Variants in MS4A4A observed in about 807,000 individuals in gnomAD.
MS4A4A encodes membrane spanning 4-domains A4A.
Under a neutral mutation model 28.0 loss-of-function variants are expected in MS4A4A, and 26 were observed. That is an observed-to-expected ratio of 0.93 (90% CI 0.68 to 1.29). The LOEUF is 1.29. Among genes scored for constraint, MS4A4A ranks in the 50% most tolerant of loss-of-function variants. MS4A4A has a pLI of 0.00. For synonymous variants in MS4A4A, 86 were observed against 100.8 expected, an observed-to-expected ratio of 0.85 and a Z score of 0.88; for missense variants, 290 against 293.1, an observed-to-expected ratio of 0.99 and a Z score of 0.08.
intron 1 of MS4A4A, among the ~76,000 whole-genome samples, chr11:60,288,711 T>C (rs1217743573): frequency 6.6e-6 from 1 of 152,096 alleles, no homozygotes; most frequent in Non-Finnish European, 1.5e-5. Flanking sequence ...TAAGGCTGGA[T>C]GTAGCAGCAG....
Position 60,302,629 on chromosome 11 carries a change from T to C in MS4A4A, c.458T>C (p.Phe153Ser). ...GCATCAGGGATCTTAATCAACACATTTAGCTTGGCGTTTTATTCATTCCAT... is the reference window on the plus strand; with the variant it reads ...GCATCAGGGATCTTAATCAACACATCTAGCTTGGCGTTTTATTCATTCCAT... ...LAASGILINT[F>S]SLAFYSFHHP... Residue 153 changes from phenylalanine to serine, a missense_variant, in exon 5 of 7, where the codon TTT becomes TCT. By Grantham distance (155) the Phe-to-Ser change is radical. Coordinates refer to ENST00000337908, the MANE Select transcript of MS4A4A (RefSeq NM_148975.3). The C allele has an allele frequency of 6.2e-7, 1 of 1,614,092 alleles. No individual in the cohort carries two copies. The highest frequency in any genetic ancestry group is 8.5e-7 in the Non-Finnish European group (1 of 1,179,968).
rs1198504694 is a variant in MS4A4A at position 60,292,279 on chromosome 11, G to T, written c.96G>T (p.Gly32=). The change falls in exon 2 of 7, where the codon GGG becomes GGT. Residue 32 remains glycine, a synonymous_variant. Coordinates refer to ENST00000337908, the MANE Select transcript of MS4A4A (RefSeq NM_148975.3). ...AAGGAATGGAACAGGCCATGCCAGG[G>T]GCTGGCCCTGGTGTGCCCCAGCTGG... is the stretch of plus-strand genomic sequence containing the variant. ...TMQGMEQAMP[G]AGPGVPQLGN... 2 of 1,606,144 alleles carry T rather than the reference G, an allele frequency of 1.2e-6. No homozygotes were observed. Among genetic ancestry groups the T allele is most frequent in the Non-Finnish European group, 1.7e-6 (2 of 1,176,588 alleles).
At chr11:60,297,724 A>G (rs1429620732) in intron 3 of MS4A4A, among the ~76,000 whole-genome samples, 1 of 152,206 alleles carries the variant, frequency 6.6e-6, no homozygotes, top group Non-Finnish European at 1.5e-5. Context: ...GACACATCCA[A>G]CTTTTGGTAA....
In MS4A4A at chr11:60,308,364, A is replaced by G; in HGVS notation, c.*186A>G. On this transcript the variant is annotated 3_prime_UTR_variant, in exon 7 of 7. Transcript: ENST00000337908. ...ATAATAAATTCAAAATTATGTTCTC[A>G]TTTTTTTCCCTGGAACTCAATAACT... The G allele has an allele frequency of 1.9e-6, 1 of 523,938 alleles. No homozygotes were observed. The highest frequency in any genetic ancestry group is 3.3e-6 in the Non-Finnish European group (1 of 305,404). The allele number at this position is 523,938 out of a possible 1,614,324, so 32.5% of individuals were successfully genotyped here. A position where few individuals can be genotyped will look rare whatever the true frequency, so the allele number is the denominator to read the frequency against.
intron 1 of MS4A4A, chr11:60,290,157 A>G (rs2084841735): frequency 7.2e-6 from 3 of 419,124 alleles, no homozygotes; most frequent in South Asian, 5.2e-5. Context: ...CTCCTTTACT[A>G]CTGACTTCGA....
intron 3 of MS4A4A, among the ~76,000 whole-genome samples, chr11:60,299,240 T>C (rs536943959): frequency 2.0e-5 from 3 of 152,174 alleles, no homozygotes; most frequent in South Asian, 4.1e-4. Flanking sequence ...ATATTGTTCA[T>C]ACTTAAATAA....
intron 5 of MS4A4A, among the ~76,000 whole-genome samples, chr11:60,303,757 G>A (rs1341479890): frequency 1.3e-5 from 2 of 152,056 alleles, no homozygotes; most frequent in African/African-American, 4.8e-5. Flanking sequence ...CAAATTTTTT[G>A]TTACTTTCCC....
intron 1 of MS4A4A, among the ~76,000 whole-genome samples, chr11:60,291,600 C>T (rs1412098506): frequency 6.6e-6 from 1 of 151,972 alleles, no homozygotes; most frequent in Non-Finnish European, 1.5e-5. Flanking sequence ...GAGATGGAGA[C>T]CATACTGGCC....
intron 2 of MS4A4A, among the ~76,000 whole-genome samples, chr11:60,296,067 T>G (rs984426745): frequency 2.0e-5 from 3 of 152,062 alleles, no homozygotes; most frequent in African/African-American, 7.2e-5. Context: ...ATTTTTTTCT[T>G]AAGTGTCTGG....
intron 4 of MS4A4A, among the ~76,000 whole-genome samples, chr11:60,301,552 T>C (rs2084952877): frequency 6.6e-6 from 1 of 152,184 alleles, no homozygotes; most frequent in East Asian, 1.9e-4. Flanking sequence ...GCCAATACAA[T>C]GCGAAAGTCC....
At chr11:60,293,641 A>G (rs1428689602) in intron 2 of MS4A4A, among the ~76,000 whole-genome samples, 1 of 152,238 alleles carries the variant, frequency 6.6e-6, no homozygotes, top group Non-Finnish European at 1.5e-5. Flanking sequence ...GTATCCCACC[A>G]ATCCCTGGCA....
rs2085026462 is a variant in MS4A4A at position 60,308,437 on chromosome 11, T to C, written c.*259T>C. ...GAGTACTAGAAGTTAAATTAATAAA[T>C]AATGCATTTAATGAGGCAACAGCAC... On this transcript the variant is annotated 3_prime_UTR_variant, in exon 7 of 7. Transcript: ENST00000337908. 8 of 380,336 alleles carry C rather than the reference T, an allele frequency of 2.1e-5. No homozygotes were observed. The highest frequency in any genetic ancestry group is 3.7e-5 in the Non-Finnish European group (8 of 214,048). 23.6% of individuals were successfully genotyped at this position (380,336 alleles called of 1,614,324 possible).
chr11:60,297,493 A>T (rs140093713), intron 3 of MS4A4A, among the ~76,000 whole-genome samples, 168 bp downstream of exon 3: 38 of 152,310 alleles, frequency 2.5e-4, no homozygotes, highest in African/African-American at 8.9e-4. Flanking sequence ...CAAATAATAT[A>T]GTATTATATT....
chr11:60,288,960 C>G (rs1051366035), intron 1 of MS4A4A, among the ~76,000 whole-genome samples: 1 of 152,044 alleles, frequency 6.6e-6, no homozygotes. Flanking sequence ...TTTGGAGGGG[C>G]AGTGTGCACC....
intron 4 of MS4A4A, among the ~76,000 whole-genome samples, chr11:60,301,268 G>C (rs565962862): frequency 6.6e-6 from 1 of 152,110 alleles, no homozygotes; most frequent in South Asian, 2.1e-4. Context: ...GGAATCTTAC[G>C]CTTGTGGAGG....
At chr11:60,308,056 A>G in intron 6 of MS4A4A, 51 bp from the exon 7 acceptor site, 1 of 1,516,442 alleles carries the variant, frequency 6.6e-7, no homozygotes, top group Non-Finnish European at 9.2e-7. Context: ...GGAAAGGGGC[A>G]CTCTGAGGTG....
intron 4 of MS4A4A, 74 bp from the exon 5 acceptor site, chr11:60,302,485 G>A (rs936755227): frequency 3.9e-5 from 54 of 1,386,574 alleles, no homozygotes; most frequent in Middle Eastern, 3.8e-4. Flanking sequence ...AAGAGATGGT[G>A]GGTGTAAAGT....
Position 60,302,547 on chromosome 11 carries a change from A to T in MS4A4A, c.388-12A>T. 1.2e-6 allele frequency: 2 copies of T among 1,612,990 alleles called. No individual in the cohort carries two copies. The highest frequency in any genetic ancestry group is 1.7e-6 in the Non-Finnish European group (2 of 1,179,578). ...TTGTTGGATTGTTTAATTGATTTTC[A>T]TTCCTTTCTAGGTCCGAGGTAGTCT... On this transcript the variant is annotated splice_polypyrimidine_tract_variant and intron_variant, in intron 4 of 6. Transcript: ENST00000337908.
chr11:60,301,126 T>A, intron 4 of MS4A4A, 69 bp downstream of exon 4: 2 of 1,223,080 alleles, frequency 1.6e-6, no homozygotes, highest in South Asian at 2.9e-5. Context: ...TCTGCCAGGG[T>A]GTAAAACAGG....
Sources: gnomAD v4.1 joint callset for allele counts (sites outside exome capture counted in the v4.1 genomes callset) on GRCh38, gnomAD v4.1.1 for gene constraint, MANE v1.5 for transcripts, NCBI Gene and HGNC (gene_info 2026-07-23, HGNC 2026-07-21) for gene names.